Variants in RNF130 observed in about 807,000 individuals in gnomAD.
RNF130 encodes E3 ubiquitin-protein ligase RNF130.
In RNF130, 21 loss-of-function variants were observed where a neutral mutation model predicts 44.6. The ratio of observed to expected loss-of-function variants is 0.47; its 90% CI spans 0.33 to 0.68. The LOEUF (loss-of-function observed/expected upper bound fraction) is 0.68. RNF130 is among the 30% of genes least tolerant of loss of function. RNF130 has a pLI of 0.02. For synonymous variants in RNF130, 214 were observed against 210.4 expected, an observed-to-expected ratio of 1.02 and a Z score of -0.15; for missense variants, 479 against 560.6, an observed-to-expected ratio of 0.85 and a Z score of 1.47.
intron 7 of RNF130, among the ~76,000 whole-genome samples, chr5:179,932,592 G>A (rs575640664): frequency 6.6e-6 from 1 of 151,828 alleles, no homozygotes; most frequent in South Asian, 2.1e-4. Flanking sequence ...ATTTACGTCT[G>A]TTTGGGAGGC....
At chr5:179,921,946 A>G (rs1333644244) in intron 7 of RNF130, among the ~76,000 whole-genome samples, 1 of 151,778 alleles carries the variant, frequency 6.6e-6, no homozygotes, top group Non-Finnish European at 1.5e-5. Context: ...ACTTGAACCC[A>G]GGAGGCGGAG....
At chr5:180,048,336 G>A (rs2113154950) in intron 1 of RNF130, among the ~76,000 whole-genome samples, 1 of 152,304 alleles carries the variant, frequency 6.6e-6, no homozygotes, top group Admixed American at 6.5e-5. Context: ...TCTGTTTCCA[G>A]GTTGCTCTGC....
At chr5:180,052,464 T>A (rs1159987310) in intron 1 of RNF130, among the ~76,000 whole-genome samples, 1 of 152,206 alleles carries the variant, frequency 6.6e-6, no homozygotes, top group East Asian at 1.9e-4. Flanking sequence ...GACACCACCC[T>A]TGATCCAGAG....
intron 8 of RNF130, among the ~76,000 whole-genome samples, chr5:179,963,259 C>T (rs527619413): frequency 1.1e-4 from 16 of 152,206 alleles, no homozygotes; most frequent in Middle Eastern, 3.2e-3. Flanking sequence ...TTTTCTCAAA[C>T]GGGCTGCTCT....
chr5:180,050,888 C>G (rs1366039224), intron 1 of RNF130, among the ~76,000 whole-genome samples: 3 of 152,064 alleles, frequency 2.0e-5, no homozygotes, highest in Non-Finnish European at 4.4e-5. Flanking sequence ...GCTCACTGCT[C>G]AACTTCCTGG....
chr5:179,921,402 T>C (rs970607671), intron 7 of RNF130, among the ~76,000 whole-genome samples: 12 of 152,254 alleles, frequency 7.9e-5, no homozygotes, highest in Non-Finnish European at 2.9e-5. Context: ...TCTGTGCACA[T>C]AAATTGTGTG....
At chr5:180,013,491 T>C (rs1368627928) in intron 2 of RNF130, among the ~76,000 whole-genome samples, 180 bp from the exon 3 acceptor site, 1 of 152,196 alleles carries the variant, frequency 6.6e-6, no homozygotes, top group Non-Finnish European at 1.5e-5. Flanking sequence ...TAGGAACATG[T>C]AATTTGTTGT....
At chr5:179,925,671 G>C (rs1434837865) in intron 7 of RNF130, among the ~76,000 whole-genome samples, 1 of 152,162 alleles carries the variant, frequency 6.6e-6, no homozygotes, top group Non-Finnish European at 1.5e-5. Context: ...TGGGACTACA[G>C]GTACATGCCA....
intron 1 of RNF130, among the ~76,000 whole-genome samples, chr5:180,060,773 T>C (rs534374000): frequency 6.6e-6 from 1 of 152,110 alleles, no homozygotes; most frequent in Admixed American, 6.6e-5. Context: ...ACCACTAACC[T>C]AGATGAAGAT....
chr5:179,935,717 T>G (rs1461434332), intron 7 of RNF130, among the ~76,000 whole-genome samples: 1 of 152,136 alleles, frequency 6.6e-6, no homozygotes, highest in Non-Finnish European at 1.5e-5. Flanking sequence ...TTCTCTCTAT[T>G]AGTGTATTAT....
chr5:180,019,512 C>G (rs761883674), intron 2 of RNF130, among the ~76,000 whole-genome samples: 1 of 152,322 alleles, frequency 6.6e-6, no homozygotes, highest in Non-Finnish European at 1.5e-5. Flanking sequence ...AGACTGCTGG[C>G]TCCTGATCCC....
chr5:179,995,204 C>G (rs1172486781), intron 3 of RNF130, among the ~76,000 whole-genome samples: 1 of 151,864 alleles, frequency 6.6e-6, no homozygotes, highest in Non-Finnish European at 1.5e-5. Flanking sequence ...GGACCTGCCT[C>G]TCTCTCTCTC....
intron 1 of RNF130, among the ~76,000 whole-genome samples, chr5:180,070,477 T>C (rs1006713563): frequency 3.3e-5 from 5 of 152,210 alleles, no homozygotes; most frequent in Admixed American, 6.5e-5. Context: ...AATATGTTAG[T>C]ATCTTAAGAG....
chr5:179,995,773 T>G (rs1763185769), intron 3 of RNF130, among the ~76,000 whole-genome samples: 1 of 152,336 alleles, frequency 6.6e-6, no homozygotes, highest in African/African-American at 2.4e-5. Flanking sequence ...GGATTTTCTG[T>G]TTTTAGCCAG....
At chr5:179,967,103 C>CA in intron 6 of RNF130, 93 bp from the exon 7 acceptor site, 1 of 1,147,476 alleles carries the variant, frequency 8.7e-7, no homozygotes, top group Non-Finnish European at 1.3e-6. Context: ...CGCCCTGTTG[C>CA]AAAGACCTTA....
chr5:179,963,630 T>G, intron 7 of RNF130, 66 bp from the exon 8 acceptor site: 2 of 1,130,360 alleles, frequency 1.8e-6, no homozygotes, highest in Non-Finnish European at 2.7e-6. Context: ...GATGCCAACA[T>G]TTCCCTCAAA....
intron 7 of RNF130, among the ~76,000 whole-genome samples, chr5:179,926,886 G>A (rs1027840399): frequency 2.0e-5 from 3 of 152,156 alleles, no homozygotes; most frequent in Non-Finnish European, 4.4e-5. Flanking sequence ...GAACTGAATT[G>A]AATTGAGGGA....
intron 7 of RNF130, chr5:179,933,793 T>A: frequency 1.6e-6 from 1 of 616,540 alleles, no homozygotes; most frequent in East Asian, 3.6e-5. Context: ...ATTTTAAGTA[T>A]GTATTACATC....
At chr5:179,949,494 C>T (rs1762093453) in intron 7 of RNF130, among the ~76,000 whole-genome samples, 1 of 150,968 alleles carries the variant, frequency 6.6e-6, no homozygotes, top group African/African-American at 2.4e-5. Flanking sequence ...TAGAAAAATA[C>T]TTTAAAAAAA....
Sources: gnomAD v4.1 joint callset for allele counts (sites outside exome capture counted in the v4.1 genomes callset) on GRCh38, gnomAD v4.1.1 for gene constraint, MANE v1.5 for transcripts, NCBI Gene and HGNC (gene_info 2026-07-23, HGNC 2026-07-21) for gene names.